The following OLA1 variants were observed in gnomAD, a reference collection of about 807,000 sequenced individuals.
The protein encoded by OLA1 is obg-like ATPase 1.
Under a neutral mutation model 48.4 loss-of-function variants are expected in OLA1, and 14 were observed. The observed-to-expected ratio is 0.29, with a 90% CI of 0.19 to 0.45. The LOEUF is 0.45. Among genes scored for constraint, OLA1 ranks in the 20% least tolerant of loss-of-function variants. The pLI is 1.00. For missense variants in OLA1, 325 were observed against 467.1 expected (o/e 0.70, Z 2.80); for synonymous variants, 127 against 150.4 (o/e 0.84, Z 1.14).
intron 7 of OLA1, among the ~76,000 whole-genome samples, chr2:174,094,586 G>T (rs1383859844): frequency 1.3e-5 from 2 of 152,218 alleles, no homozygotes; most frequent in Non-Finnish European, 2.9e-5. Flanking sequence ...TAGACGTAAA[G>T]ATCCGTGGAA....
At chr2:174,086,772 A>G (rs184359294) in intron 7 of OLA1, among the ~76,000 whole-genome samples, 35 of 152,320 alleles carry the variant, frequency 2.3e-4, no homozygotes, top group African/African-American at 7.9e-4. Flanking sequence ...CAAACTACTC[A>G]GAGCGGTGTG....
chr2:174,223,765 C>CAAAAAA (rs71021680), intron 3 of OLA1, among the ~76,000 whole-genome samples: 23 of 73,324 alleles, frequency 3.1e-4, no homozygotes, highest in South Asian at 8.9e-4. Flanking sequence ...GTTATATAGA[C>CAAAAAA]AAAAAAAAAA....
At chr2:174,218,928 C>T (rs1225036022) in intron 4 of OLA1, among the ~76,000 whole-genome samples, 1 of 151,860 alleles carries the variant, frequency 6.6e-6, no homozygotes. Flanking sequence ...TCAAGTGATT[C>T]TCCTGCCTCA....
intron 4 of OLA1, among the ~76,000 whole-genome samples, chr2:174,147,640 G>A (rs533936913): frequency 1.9e-4 from 29 of 152,188 alleles, no homozygotes; most frequent in Non-Finnish European, 3.1e-4. Flanking sequence ...TACACTACAT[G>A]ATCACATTTG....
intron 2 of OLA1, among the ~76,000 whole-genome samples, chr2:174,241,502 A>G (rs1689002308): frequency 2.0e-5 from 3 of 152,210 alleles, no homozygotes; most frequent in Non-Finnish European, 4.4e-5. Flanking sequence ...GGCAATTTGC[A>G]GGGACACCAA....
intron 7 of OLA1, among the ~76,000 whole-genome samples, chr2:174,090,246 G>C (rs1055488145): frequency 1.3e-5 from 2 of 152,094 alleles, no homozygotes; most frequent in African/African-American, 4.8e-5. Flanking sequence ...TTTCTGTTTT[G>C]AGGATTAACG....
chr2:174,081,122 A>G (rs778152754), intron 9 of OLA1, 30 bp downstream of exon 9: 32 of 1,548,366 alleles, frequency 2.1e-5, no homozygotes, highest in Non-Finnish European at 2.8e-5. Context: ...GTGGAACTGG[A>G]TATAGCTGAT....
intron 1 of OLA1, 135 bp from the exon 2 acceptor site, chr2:174,246,950 A>G: frequency 2.1e-6 from 1 of 479,836 alleles, no homozygotes. Flanking sequence ...TCCAAAACTA[A>G]CACAGAGCTA....
intron 4 of OLA1, among the ~76,000 whole-genome samples, chr2:174,165,240 T>A (rs1364468835): frequency 6.6e-6 from 1 of 152,208 alleles, no homozygotes; most frequent in East Asian, 1.9e-4. Flanking sequence ...ATAATGAGTA[T>A]CTACTGTCCC....
At chr2:174,144,732 C>T (rs1357931412) in intron 4 of OLA1, among the ~76,000 whole-genome samples, 4 of 150,956 alleles carry the variant, frequency 2.6e-5, no homozygotes, top group African/African-American at 7.3e-5. Flanking sequence ...GCAGGAGGAT[C>T]GCCTGAGCTC....
intron 7 of OLA1, among the ~76,000 whole-genome samples, chr2:174,101,005 A>C (rs1432043451): frequency 1.3e-5 from 2 of 152,246 alleles, no homozygotes; most frequent in Non-Finnish European, 2.9e-5. Flanking sequence ...CATGTATAAG[A>C]TATGAACATG....
At position 174,219,423 on chromosome 2, in the gene OLA1, C is replaced by CTTTTTTT. The variant is rs372577919; in HGVS notation, c.373+3603_373+3609dup. 1.1e-3 allele frequency among the ~76,000 whole-genome samples: 103 copies of CTTTTTTT among 94,896 alleles called. 1 individual carries two copies. Among genetic ancestry groups the CTTTTTTT allele is most frequent in the African/African-American group, 1.3e-3 (30 of 22,942 alleles). The allele number at this position is 94,896 out of a possible 152,430, so 62.3% of individuals were successfully genotyped here. A position where few individuals can be genotyped will look rare whatever the true frequency, so the allele number is the denominator to read the frequency against. ...TGGCAACTTACTCCATTTTATTTCC[C>CTTTTTTT]TTTTTTTTTTTTTTTTTTTTTTTTT... On this transcript the variant is annotated intron_variant, in intron 4 of 10. Transcript: ENST00000284719.
rs951300347 is a variant in OLA1 at position 174,074,268 on chromosome 2, G to C, written c.*1158C>G. 1 of 152,246 alleles carries C rather than the reference G, an allele frequency of 6.6e-6. No individual in the cohort carries two copies. Among genetic ancestry groups the C allele is most frequent in the Non-Finnish European group, 1.5e-5 (1 of 68,088 alleles). The allele number at this position is 152,246 out of a possible 1,614,324, so 9.4% of individuals were successfully genotyped here. On this transcript the variant is annotated 3_prime_UTR_variant, in exon 11 of 11. Coordinates refer to ENST00000284719, the MANE Select transcript of OLA1 (RefSeq NM_013341.5). ...CAAAAGGGCAGAGGACAAGGACAAG[G>C]AAGGGAGGTCTCACAGGAATGGAAA...
intron 4 of OLA1, among the ~76,000 whole-genome samples, chr2:174,215,464 CT>C (rs907633884): frequency 2.0e-5 from 3 of 152,046 alleles, no homozygotes; most frequent in African/African-American, 7.2e-5. Context: ...TACACACAGA[CT>C]TTTTTTCAAT....
At chr2:174,108,431 T>C (rs1685565075) in intron 7 of OLA1, among the ~76,000 whole-genome samples, 1 of 152,164 alleles carries the variant, frequency 6.6e-6, no homozygotes, top group African/African-American at 2.4e-5. Context: ...ATTATCAATA[T>C]AGAGACATTT....
intron 7 of OLA1, among the ~76,000 whole-genome samples, chr2:174,109,691 A>C (rs1230306754): frequency 1.3e-5 from 2 of 152,184 alleles, no homozygotes; most frequent in Non-Finnish European, 2.9e-5. Flanking sequence ...CTATGATGCA[A>C]GGAATATGCC....
intron 4 of OLA1, among the ~76,000 whole-genome samples, chr2:174,168,787 A>C (rs1374717100): frequency 2.9e-5 from 4 of 139,170 alleles, no homozygotes; most frequent in African/African-American, 1.2e-4. Context: ...CTATCTATCT[A>C]TCTATCTATC....
intron 4 of OLA1, among the ~76,000 whole-genome samples, chr2:174,211,099 G>A (rs577962234): frequency 2.0e-5 from 3 of 151,946 alleles, no homozygotes; most frequent in African/African-American, 4.8e-5. Context: ...AGTCAGTTGC[G>A]TGCAAAGAAA....
In OLA1 at chr2:174,075,255, G is replaced by GA. The variant is rs375221409; in HGVS notation, c.*170_*171insT. The GA allele has an allele frequency of 0.31, 116,322 of 374,878 alleles. 13,879 individuals carry two copies. The highest frequency in any genetic ancestry group is 0.49 in the East Asian group (11,325 of 23,088). 23.2% of individuals were successfully genotyped at this position (374,878 alleles called of 1,614,324 possible). A position where few individuals can be genotyped will look rare whatever the true frequency, so the allele number is the denominator to read the frequency against. Reference sequence around the variant, plus strand: ...ACATTTAGTGAACCTGCATTTCATGGGGGGGGGGGGGTACACAGTATTTTA... The same window carrying GA: ...ACATTTAGTGAACCTGCATTTCATGGAGGGGGGGGGGGTACACAGTATTTTA... On this transcript the variant is annotated 3_prime_UTR_variant, in exon 11 of 11. Transcript: ENST00000284719.
Sources: gnomAD v4.1 joint callset for allele counts (sites outside exome capture counted in the v4.1 genomes callset) on GRCh38, gnomAD v4.1.1 for gene constraint, MANE v1.5 for transcripts, NCBI Gene and HGNC (gene_info 2026-07-23, HGNC 2026-07-21) for gene names.